Variants in NACC1 observed in about 807,000 individuals in gnomAD.
The protein encoded by NACC1 is nucleus accumbens associated 1, also known as nucleus accumbens-associated protein 1.
Under a neutral mutation model 41.7 loss-of-function variants are expected in NACC1, and 6 were observed. The observed-to-expected ratio is 0.14, with a 90% CI of 0.08 to 0.28. NACC1 has a LOEUF of 0.28. Ranked by LOEUF, NACC1 falls within the 10% of genes least tolerant of loss-of-function variation. The pLI, the probability that NACC1 is intolerant of heterozygous loss-of-function variation, is 1.00. For missense variants in NACC1, 434 were observed against 763.7 expected (o/e 0.57, Z 5.09); for synonymous variants, 338 against 330.6 (o/e 1.02, Z -0.24).
At position 13,126,330 on chromosome 19, in the gene NACC1, C is replaced by T. The variant is rs1048518689; in HGVS notation, c.-9+7876C>T. Among the ~76,000 whole-genome samples the T allele has an allele frequency of 3.3e-5, 5 of 152,212 alleles. No individual in the cohort carries two copies. In the East Asian group the frequency reaches 5.8e-4, roughly 18 times the overall value. Reference sequence around the variant, plus strand: ...CCTCCCAAAGTGCTGGGGTTACAGGCGTGAGTCACCGTGCCCAGCCAGCCC... The same window carrying T: ...CCTCCCAAAGTGCTGGGGTTACAGGTGTGAGTCACCGTGCCCAGCCAGCCC... On this transcript the variant is annotated intron_variant, in intron 1 of 5. Transcript: ENST00000292431.
At chr19:13,119,356 C>T (rs1338285510) in intron 1 of NACC1, among the ~76,000 whole-genome samples, 1 of 152,108 alleles carries the variant, frequency 6.6e-6, no homozygotes, top group Non-Finnish European at 1.5e-5. Context: ...AAGGCACTGG[C>T]CAGTGGGTGT....
rs770998331 is a variant in NACC1, at chr19:13,137,426, C to G, written c.1226+50C>G. ...GGAGGGGGGTGGGGTTTCCCCATGTCCCCCCCACCACCAACTTGAGCGCTG... is the reference window on the plus strand; with the variant it reads ...GGAGGGGGGTGGGGTTTCCCCATGTGCCCCCCACCACCAACTTGAGCGCTG... On this transcript the variant is annotated intron_variant, in intron 4 of 5. Coordinates refer to ENST00000292431, the MANE Select transcript of NACC1 (RefSeq NM_052876.4). The surrounding 1 kb of genome is among the most constrained non-coding windows in gnomAD (Gnocchi z 6.1). 2 of 1,603,586 alleles carry G rather than the reference C, an allele frequency of 1.2e-6. No individual in the cohort carries two copies. The highest frequency in any genetic ancestry group is 1.7e-6 in the Non-Finnish European group (2 of 1,171,654).
In NACC1 at chr19:13,138,092, C is replaced by T; in HGVS notation, c.1325-55C>T. On this transcript the variant is annotated intron_variant, in intron 5 of 5. Coordinates refer to ENST00000292431, the MANE Select transcript of NACC1 (RefSeq NM_052876.4). The surrounding 1 kb of genome is among the most constrained non-coding windows in gnomAD (Gnocchi z 5.7). ...TGCTGTAGGGGAGCTGGTGAGTAGGCCTTGTGGGAGTCACCTGGCCCCCGT... is the reference window on the plus strand; with the variant it reads ...TGCTGTAGGGGAGCTGGTGAGTAGGTCTTGTGGGAGTCACCTGGCCCCCGT... 6.3e-7 allele frequency: 1 copy of T among 1,593,888 alleles called. No individual in the cohort carries two copies. Among genetic ancestry groups the T allele is most frequent in the South Asian group, 1.1e-5 (1 of 88,372 alleles).
At position 13,136,483 on chromosome 19, in the gene NACC1, TAGG is replaced by T; in HGVS notation, c.1120+81_1120+83del. 6.7e-7 allele frequency: 1 copy of T among 1,487,940 alleles called. No homozygotes were observed. Among genetic ancestry groups the T allele is most frequent in the Non-Finnish European group, 9.0e-7 (1 of 1,111,246 alleles). The allele number at this position is 1,487,940 out of a possible 1,614,324, so 92.2% of individuals were successfully genotyped here. ...GCCTGGGCTGGGCTGGGCAGCTGGT[TAGG>T]AGCCCCCAGCACCTCAGTTTCCCTA... is the stretch of plus-strand genomic sequence containing the variant. On this transcript the variant is annotated intron_variant, in intron 3 of 5. Coordinates refer to ENST00000292431, the MANE Select transcript of NACC1 (RefSeq NM_052876.4). This position sits in a 1 kb window ranked among gnomAD's most constrained non-coding sequence, Gnocchi z 5.5.
chr19:13,129,487 G>A (rs1441105586), intron 1 of NACC1, among the ~76,000 whole-genome samples: 1 of 152,174 alleles, frequency 6.6e-6, no homozygotes, highest in Non-Finnish European at 1.5e-5. Flanking sequence ...GGTTCCCAGA[G>A]ATGGGTCTGC....
Position 13,138,431 on chromosome 19 carries a change from C to T in NACC1, c.*25C>T. 6.2e-7 allele frequency: 1 copy of T among 1,600,152 alleles called. No homozygotes were observed. The highest frequency in any genetic ancestry group is 8.5e-7 in the Non-Finnish European group (1 of 1,177,604). ...ACCCGCCCAGCCTCCCGCGGGGCCA[C>T]ACACTTCCCCTCCCAACACACACAC... On this transcript the variant is annotated 3_prime_UTR_variant, in exon 6 of 6. Transcript: ENST00000292431. The surrounding 1 kb of genome is among the most constrained non-coding windows in gnomAD (Gnocchi z 5.7).
intron 1 of NACC1, among the ~76,000 whole-genome samples, chr19:13,127,400 T>TTTTTTTTTTTC (rs1245933408): frequency 4.0e-5 from 4 of 100,868 alleles, no homozygotes; most frequent in African/African-American, 1.6e-4. Flanking sequence ...TTTTTTTTTT[T>TTTTTTTTTTTC]CGGTTAACTG....
intron 1 of NACC1, among the ~76,000 whole-genome samples, chr19:13,120,884 G>C (rs1599980593): frequency 1.3e-5 from 2 of 152,352 alleles, no homozygotes; most frequent in East Asian, 3.9e-4. Context: ...AACTTAGCAT[G>C]CACAGACTCT....
rs921151611 is a variant in NACC1 at position 13,133,673 on chromosome 19, G to T, written c.-8-1527G>T. 2.6e-5 allele frequency among the ~76,000 whole-genome samples: 4 copies of T among 152,130 alleles called. No individual in the cohort carries two copies. In the East Asian group the frequency reaches 7.7e-4, roughly 29 times the overall value. Reference sequence around the variant, plus strand: ...CCATGTTTAGTTGGCCCATCCATCCGCAGATGGACGTTTGGATTGTTTCCA... The same window carrying T: ...CCATGTTTAGTTGGCCCATCCATCCTCAGATGGACGTTTGGATTGTTTCCA... On this transcript the variant is annotated intron_variant, in intron 1 of 5. Coordinates refer to ENST00000292431, the MANE Select transcript of NACC1 (RefSeq NM_052876.4).
rs551477510 is a variant in NACC1, at chr19:13,118,270, C to T, written c.-193C>T. The T allele has an allele frequency of 6.7e-6, 1 of 149,030 alleles. No homozygotes were observed. Among genetic ancestry groups the T allele is most frequent in the East Asian group, 2.0e-4 (1 of 5,104 alleles). The allele number at this position is 149,030 out of a possible 1,614,324, so 9.2% of individuals were successfully genotyped here. On this transcript the variant is annotated 5_prime_UTR_variant, in exon 1 of 6. Transcript: ENST00000292431. Reference sequence around the variant, plus strand: ...CGGCTTGCGCTCGCTCGGCGCTCGGCTGGGGCGGCCTGGCCCACAATGAAT... The same window carrying T: ...CGGCTTGCGCTCGCTCGGCGCTCGGTTGGGGCGGCCTGGCCCACAATGAAT...
At chr19:13,117,017 G>T (rs991070739), upstream of NACC1, 1 of 153,218 alleles carries the variant, frequency 6.5e-6, no homozygotes, top group African/African-American at 2.4e-5. Context: ...CACCCTGCAG[G>T]AATGACTCAG....
intron 1 of NACC1, among the ~76,000 whole-genome samples, chr19:13,118,718 C>CG (rs1424819781): frequency 5.1e-4 from 70 of 137,650 alleles, no homozygotes; most frequent in Middle Eastern, 3.8e-3. Flanking sequence ...CAGGTCGGGC[C>CG]GGGGCAGGTA....
chr19:13,138,062 G>A lies in NACC1; in HGVS notation c.1325-85G>A, dbSNP rs2019731738. 9 of 1,554,992 alleles carry A rather than the reference G, an allele frequency of 5.8e-6. No homozygotes were observed. The highest frequency in any genetic ancestry group is 2.3e-5 in the East Asian group (1 of 43,864). On this transcript the variant is annotated intron_variant, in intron 5 of 5. Coordinates refer to ENST00000292431, the MANE Select transcript of NACC1 (RefSeq NM_052876.4). This position sits in a 1 kb window ranked among gnomAD's most constrained non-coding sequence, Gnocchi z 5.7. ...CTCGTTTCCCCTTTGAGAGGGAGTC[G>A]CAGATGCTGTAGGGGAGCTGGTGAG...
Position 13,140,304 on chromosome 19 carries a change from A to G in NACC1, c.*1898A>G, listed in dbSNP as rs1460049860. 2.6e-5 allele frequency: 4 copies of G among 152,648 alleles called. No homozygotes were observed. Among genetic ancestry groups the G allele is most frequent in the South Asian group, 2.1e-4 (1 of 4,820 alleles). The allele number at this position is 152,648 out of a possible 1,614,324, so 9.5% of individuals were successfully genotyped here. The stretch of plus-strand genomic sequence containing the variant: ...CCACCCCACCCCAGCGTTTACCCCA[A>G]AGCACAATGCCCTGGTCACTTGGCA... On this transcript the variant is annotated 3_prime_UTR_variant, in exon 6 of 6. Coordinates refer to ENST00000292431, the MANE Select transcript of NACC1 (RefSeq NM_052876.4). The surrounding 1 kb of genome is among the most constrained non-coding windows in gnomAD (Gnocchi z 4.0).
intron 1 of NACC1, among the ~76,000 whole-genome samples, chr19:13,132,786 A>T (rs1029158997): frequency 9.9e-5 from 15 of 152,236 alleles, no homozygotes; most frequent in African/African-American, 3.6e-4. Context: ...TAATTTCTTG[A>T]ATGATCATTC....
chr19:13,123,170 G>A (rs1198327739), intron 1 of NACC1, among the ~76,000 whole-genome samples: 2 of 152,122 alleles, frequency 1.3e-5, no homozygotes, highest in East Asian at 1.9e-4. Flanking sequence ...TTGTGTTAGC[G>A]GCACCAGGGT....
Position 13,137,168 on chromosome 19 carries a change from C to A in NACC1, c.1121-103C>A. ...GGGTGAGTTTTCTTGGGACCCAGAG[C>A]CCAGCAGGGAGGGCCTGGGGTGTTC... is the stretch of plus-strand genomic sequence containing the variant. On this transcript the variant is annotated intron_variant, in intron 3 of 5. Transcript: ENST00000292431. The surrounding 1 kb of genome is among the most constrained non-coding windows in gnomAD (Gnocchi z 6.1). The A allele has an allele frequency of 1.8e-6, 2 of 1,128,318 alleles. No homozygotes were observed. Among genetic ancestry groups the A allele is most frequent in the Non-Finnish European group, 2.6e-6 (2 of 759,634 alleles). The allele number at this position is 1,128,318 out of a possible 1,614,324, so 69.9% of individuals were successfully genotyped here.
At chr19:13,128,299 A>G (rs2019590418) in intron 1 of NACC1, among the ~76,000 whole-genome samples, 1 of 152,144 alleles carries the variant, frequency 6.6e-6, no homozygotes, top group South Asian at 2.1e-4. Context: ...GGCTTAAACA[A>G]CAGACATTTA....
intron 1 of NACC1, among the ~76,000 whole-genome samples, chr19:13,128,215 C>T (rs945814836): frequency 1.3e-5 from 2 of 152,156 alleles, no homozygotes; most frequent in African/African-American, 4.8e-5. Flanking sequence ...GGGGAGGCAT[C>T]AGTGAATAGA....
Sources: allele counts gnomAD v4.1 joint callset (sites outside exome capture counted in the v4.1 genomes callset), GRCh38; gene constraint gnomAD v4.1.1; non-coding constraint Gnocchi (gnomAD v3.1); transcripts MANE v1.5; gene names NCBI Gene and HGNC (gene_info 2026-07-23, HGNC 2026-07-21).